SYNE3: variants seen among roughly 807,000 people sequenced by gnomAD.
SYNE3 encodes spectrin repeat containing nuclear envelope family member 3, also known as nesprin-3.
A neutral mutation model predicts 111.2 loss-of-function variants in SYNE3; 100 were observed. The observed-to-expected ratio is 0.90, with a 90% confidence interval of 0.77 to 1.06. The LOEUF is 1.06. SYNE3 is among the 50% of genes least tolerant of loss of function. SYNE3 has a pLI of 0.00. For synonymous variants in SYNE3, 547 were observed against 533.9 expected (o/e 1.02, Z -0.34); for missense variants, 1,160 against 1,240.3 (o/e 0.94, Z 0.97).
At chr14:95,428,305 G>A (rs937667279) in intron 17 of SYNE3, among the ~76,000 whole-genome samples, 4 of 152,124 alleles carry the variant, frequency 2.6e-5, no homozygotes, top group Admixed American at 6.5e-5. Flanking sequence ...AACACAACCC[G>A]CAAGCAGACA....
At chr14:95,501,060 C>G (rs971854880) in intron 1 of SYNE3, among the ~76,000 whole-genome samples, 1 of 152,230 alleles carries the variant, frequency 6.6e-6, no homozygotes, top group African/African-American at 2.4e-5. Context: ...GTTGACTACG[C>G]TACGACCCAG....
chr14:95,467,748 C>G (rs562095071), intron 3 of SYNE3, 47 bp downstream of exon 3: 1 of 1,608,992 alleles, frequency 6.2e-7, no homozygotes. Context: ...TCACAGTGGG[C>G]AAGGAGGGTA....
At chr14:95,489,794 T>C (rs1211207256) in intron 1 of SYNE3, among the ~76,000 whole-genome samples, 1 of 152,098 alleles carries the variant, frequency 6.6e-6, no homozygotes, top group East Asian at 1.9e-4. Flanking sequence ...GATGGACATC[T>C]CTCTGCCCTC....
chr14:95,466,250 CAG>C lies in SYNE3; in HGVS notation c.318-12_318-11del. 6.4e-7 allele frequency: 1 copy of C among 1,552,638 alleles called. No homozygotes were observed. Among genetic ancestry groups the C allele is most frequent in the Non-Finnish European group, 8.8e-7 (1 of 1,142,662 alleles). The stretch of plus-strand genomic sequence containing the variant: ...CACCCACTCGATGCGGCTGTGGGCA[CAG>C]AGACCTCAAGGTTGTGAGGGAACCA... On this transcript the variant is annotated splice_polypyrimidine_tract_variant and intron_variant, in intron 3 of 17. Transcript: ENST00000682763.
rs543447518 is a variant in SYNE3, at chr14:95,408,982, C to T, written c.*8844G>A. ...TCCTGGTGTTGCCAGCTCCCTTCAG[C>T]GGTGGGAGTCAACGGACTTCCCCGC... is the stretch of plus-strand genomic sequence containing the variant. On this transcript the variant is annotated 3_prime_UTR_variant, in exon 18 of 18. Coordinates refer to ENST00000682763, the MANE Select transcript of SYNE3 (RefSeq NM_152592.6). 6.5e-5 allele frequency: 24 copies of T among 368,982 alleles called. No individual in the cohort carries two copies. Among genetic ancestry groups the T allele is most frequent in the Non-Finnish European group, 8.1e-5 (15 of 185,090 alleles). 22.9% of individuals were successfully genotyped at this position (368,982 alleles called of 1,614,324 possible).
chr14:95,473,190 C>T (rs1341526258), intron 2 of SYNE3, among the ~76,000 whole-genome samples: 1 of 152,138 alleles, frequency 6.6e-6, no homozygotes, highest in East Asian at 1.9e-4. Context: ...AACGCTCAGG[C>T]CATGACTCCC....
intron 17 of SYNE3, among the ~76,000 whole-genome samples, chr14:95,429,736 G>T (rs1885639134): frequency 6.6e-6 from 1 of 152,134 alleles, no homozygotes; most frequent in African/African-American, 2.4e-5. Context: ...ACCCCACCAA[G>T]CTGTGCCCAA....
At chr14:95,468,083 T>A in intron 2 of SYNE3, 116 bp from the exon 3 acceptor site, 3 of 1,227,038 alleles carry the variant, frequency 2.4e-6, no homozygotes, top group Non-Finnish European at 3.3e-6. Flanking sequence ...GGATCTGGGA[T>A]TCACATCACA....
chr14:95,466,301 G>A (rs1280453346), intron 3 of SYNE3, 61 bp from the exon 4 acceptor site: 13 of 1,507,766 alleles, frequency 8.6e-6, no homozygotes, highest in African/African-American at 5.5e-5. Flanking sequence ...TGGGTCGGGG[G>A]TCTGTGCTGT....
At position 95,452,337 on chromosome 14, in the gene SYNE3, A is replaced by G. The variant is rs775956790; in HGVS notation, c.1184T>C (p.Leu395Pro). ...GATGAGCTCCTTCAGCTGGGCTTGC[A>G]GCCGGTCCACCCGGGGCTCCTCCGA... ...LASEEPRVDR[L>P]QAQLKELIVF... Residue 395 changes from leucine (L) to proline (P), a missense_variant, in exon 7 of 18, where the codon CTG becomes CCG. Physicochemically the swap from Leu to Pro is moderately conservative, Grantham distance 98 (BLOSUM62 -3). Transcript: ENST00000682763. The G allele has an allele frequency of 1.9e-6, 3 of 1,613,706 alleles. No individual in the cohort carries two copies. In the African/African-American group the frequency reaches 4.0e-5, roughly 22 times the overall value.
At chr14:95,426,641 C>T (rs1045053291) in intron 17 of SYNE3, among the ~76,000 whole-genome samples, 5 of 151,842 alleles carry the variant, frequency 3.3e-5, no homozygotes, top group Non-Finnish European at 1.5e-5. Flanking sequence ...GGAAAGAGAC[C>T]GAGGGCACGA....
At chr14:95,504,372 C>T (rs1890451557) in intron 1 of SYNE3, among the ~76,000 whole-genome samples, 1 of 152,234 alleles carries the variant, frequency 6.6e-6, no homozygotes, top group Non-Finnish European at 1.5e-5. Flanking sequence ...CACAGCATTC[C>T]TCCTGGTCCA....
chr14:95,474,327 G>A (rs1345439676), intron 2 of SYNE3, among the ~76,000 whole-genome samples: 1 of 152,226 alleles, frequency 6.6e-6, no homozygotes, highest in Non-Finnish European at 1.5e-5. Flanking sequence ...CACGTTAGGG[G>A]TGTGCCTCAT....
rs924265463 is a variant in SYNE3, at chr14:95,413,580, A to G, written c.*4246T>C. The G allele has an allele frequency of 1.3e-5, 2 of 152,308 alleles. No homozygotes were observed. Among genetic ancestry groups the G allele is most frequent in the Non-Finnish European group, 2.9e-5 (2 of 68,164 alleles). The allele number at this position is 152,308 out of a possible 1,614,324, so 9.4% of individuals were successfully genotyped here. A position where few individuals can be genotyped will look rare whatever the true frequency, so the allele number is the denominator to read the frequency against. On this transcript the variant is annotated 3_prime_UTR_variant, in exon 18 of 18. Coordinates refer to ENST00000682763, the MANE Select transcript of SYNE3 (RefSeq NM_152592.6). Reference sequence around the variant, plus strand: ...CTGTAAAATCCATTAGGGAACATCCAGCACAAACCACCCGCCTTCAGGCCT... The same window carrying G: ...CTGTAAAATCCATTAGGGAACATCCGGCACAAACCACCCGCCTTCAGGCCT...
chr14:95,452,839 G>A (rs1175724098), intron 6 of SYNE3, among the ~76,000 whole-genome samples: 2 of 152,202 alleles, frequency 1.3e-5, no homozygotes, highest in African/African-American at 4.8e-5. Context: ...ATGGTGGACC[G>A]GACATCAGAG....
intron 8 of SYNE3, 117 bp downstream of exon 8, chr14:95,449,814 C>G: frequency 6.9e-7 from 1 of 1,447,042 alleles, no homozygotes. Flanking sequence ...GCGCAGTGAG[C>G]TCTCCCCAGA....
rs114976101 is a variant in SYNE3, at chr14:95,439,525, G to A, written c.2246+87C>T. The A allele has an allele frequency of 1.4e-3, 2,107 of 1,545,170 alleles. 26 individuals carry two copies. The African/African-American group carries it at 0.025, about 19-fold the overall frequency. On this transcript the variant is annotated intron_variant, in intron 13 of 17. Transcript: ENST00000682763. Reference sequence around the variant, plus strand: ...TGGCTCCACACTGGGCAGCACCCTGGCCCTCTGCTCCACGAGCACCTGAGT... The same window carrying A: ...TGGCTCCACACTGGGCAGCACCCTGACCCTCTGCTCCACGAGCACCTGAGT...
intron 17 of SYNE3, among the ~76,000 whole-genome samples, chr14:95,424,898 G>C (rs1885348660): frequency 6.6e-6 from 1 of 152,210 alleles, no homozygotes; most frequent in South Asian, 2.1e-4. Flanking sequence ...CAGTAAGACT[G>C]TAAGTGGTAC....
chr14:95,468,039 G>C, intron 2 of SYNE3, 72 bp from the exon 3 acceptor site: 2 of 1,511,498 alleles, frequency 1.3e-6, no homozygotes, highest in Non-Finnish European at 1.8e-6. Flanking sequence ...GAAGATAGTG[G>C]CATGGTGCAA....
Sources: gnomAD v4.1 joint callset for allele counts (sites outside exome capture counted in the v4.1 genomes callset) on GRCh38, gnomAD v4.1.1 for gene constraint, MANE v1.5 for transcripts, NCBI Gene and HGNC (gene_info 2026-07-23, HGNC 2026-07-21) for gene names.